Variants in FHIT observed in about 807,000 individuals in gnomAD.
The protein encoded by FHIT is fragile histidine triad diadenosine triphosphatase.
Under a neutral mutation model 17.9 loss-of-function variants are expected in FHIT, and 19 were observed. The ratio of observed to expected loss-of-function variants is 1.06; its 90% CI spans 0.74 to 1.56. FHIT has a LOEUF of 1.56. Among genes scored for constraint, FHIT ranks in the 40% most tolerant of loss-of-function variants. The probability of loss-of-function intolerance (pLI) is 0.00; values close to 1 mark genes in which losing one functional copy is unlikely to be tolerated. For synonymous variants in FHIT, 81 were observed against 69.7 expected (o/e 1.16, Z -0.81); for missense variants, 248 against 189.2 (o/e 1.31, Z -1.82).
intron 3 of FHIT, among the ~76,000 whole-genome samples, chr3:61,039,797 C>G (rs773522607): frequency 6.6e-6 from 1 of 152,014 alleles, no homozygotes; most frequent in Non-Finnish European, 1.5e-5. Flanking sequence ...ACATGTATAC[C>G]TATGTAACAA....
At chr3:60,089,972 A>G (rs950434146) in intron 5 of FHIT, among the ~76,000 whole-genome samples, 3 of 152,210 alleles carry the variant, frequency 2.0e-5, no homozygotes, top group Admixed American at 2.0e-4. Flanking sequence ...AACAATAACA[A>G]CAGCCATCAC....
intron 7 of FHIT, among the ~76,000 whole-genome samples, chr3:59,973,774 A>G (rs2107397724): frequency 6.6e-6 from 1 of 152,192 alleles, no homozygotes; most frequent in Non-Finnish European, 1.5e-5. Context: ...TGGGCCAAAG[A>G]CCAGGTTTCA....
chr3:61,079,977 A>C (rs573877078), intron 2 of FHIT, among the ~76,000 whole-genome samples: 1 of 152,306 alleles, frequency 6.6e-6, no homozygotes, highest in African/African-American at 2.4e-5. Flanking sequence ...ATGTCATTTA[A>C]AATAAATAAA....
chr3:60,323,719 C>T (rs1281106840), intron 5 of FHIT, among the ~76,000 whole-genome samples: 1 of 152,238 alleles, frequency 6.6e-6, no homozygotes, highest in South Asian at 2.1e-4. Context: ...TAAATGGAAA[C>T]ATTCTATCTG....
chr3:60,122,209 G>C (rs1254348659), intron 5 of FHIT, among the ~76,000 whole-genome samples: 3 of 152,068 alleles, frequency 2.0e-5, no homozygotes, highest in Non-Finnish European at 1.5e-5. Context: ...GAAGTGTTCA[G>C]CATTCTAATA....
intron 2 of FHIT, among the ~76,000 whole-genome samples, chr3:61,069,631 A>G (rs931583755): frequency 2.0e-5 from 3 of 152,244 alleles, no homozygotes; most frequent in Non-Finnish European, 4.4e-5. Flanking sequence ...GAGATAATCT[A>G]GAGTGGCAGG....
chr3:60,079,152 G>A (rs1459258708), intron 5 of FHIT, among the ~76,000 whole-genome samples: 3 of 152,066 alleles, frequency 2.0e-5, no homozygotes, highest in Non-Finnish European at 4.4e-5. Context: ...AGTAAGTATA[G>A]CTTGTTTTTG....
At chr3:61,102,271 T>C (rs2035857022) in intron 2 of FHIT, among the ~76,000 whole-genome samples, 1 of 152,246 alleles carries the variant, frequency 6.6e-6, no homozygotes, top group Admixed American at 6.5e-5. Context: ...TGAAGGGCTG[T>C]TGAATTTTGT....
intron 7 of FHIT, among the ~76,000 whole-genome samples, chr3:59,973,961 A>G (rs1045625475): frequency 2.0e-5 from 3 of 149,488 alleles, no homozygotes; most frequent in East Asian, 2.0e-4. Flanking sequence ...TTCAAGTACA[A>G]TGATTTGTAG....
At chr3:61,058,786 AAG>A (rs982519618) in intron 2 of FHIT, among the ~76,000 whole-genome samples, 1 of 152,228 alleles carries the variant, frequency 6.6e-6, no homozygotes, top group African/African-American at 2.4e-5. Flanking sequence ...GGTCTACAGA[AAG>A]AGCATAACCC....
intron 4 of FHIT, among the ~76,000 whole-genome samples, chr3:60,623,880 G>A (rs1349678576): frequency 1.3e-5 from 2 of 152,202 alleles, no homozygotes; most frequent in East Asian, 1.9e-4. Flanking sequence ...CAAGGTCAAT[G>A]TCTCCCTCCA....
chr3:60,124,003 TATATATAGAG>T (rs1559653644), intron 5 of FHIT, among the ~76,000 whole-genome samples: 12 of 24,580 alleles, frequency 4.9e-4, no homozygotes, highest in African/African-American at 8.7e-4. Context: ...TATATATATA[TATATATAGAG>T]AGAGAGAGAG....
chr3:61,039,139 G>A (rs1025465006), intron 3 of FHIT, among the ~76,000 whole-genome samples: 4 of 152,228 alleles, frequency 2.6e-5, no homozygotes, highest in South Asian at 2.1e-4. Flanking sequence ...ACAATTGGCC[G>A]CAATTTCCAA....
At chr3:60,196,154 T>C (rs1702631833) in intron 5 of FHIT, among the ~76,000 whole-genome samples, 2 of 152,300 alleles carry the variant, frequency 1.3e-5, no homozygotes, top group South Asian at 2.1e-4. Context: ...AAACAACACA[T>C]ATTTATCCTA....
chr3:60,319,445 T>A (rs115288501), intron 5 of FHIT, among the ~76,000 whole-genome samples: 2,353 of 150,692 alleles, frequency 0.016, 64 homozygotes, highest in African/African-American at 0.054. Flanking sequence ...GTGATGTTTT[T>A]AAGGGAAAAA....
intron 4 of FHIT, among the ~76,000 whole-genome samples, chr3:60,777,007 G>C (rs1402988461): frequency 1.3e-5 from 2 of 152,140 alleles, no homozygotes; most frequent in African/African-American, 4.8e-5. Context: ...AGCATAACGA[G>C]GTTTTCCTAA....
chr3:61,192,838 T>C (rs2038755018), intron 2 of FHIT, among the ~76,000 whole-genome samples: 3 of 152,172 alleles, frequency 2.0e-5, no homozygotes, highest in South Asian at 4.1e-4. Flanking sequence ...CTGACACTTA[T>C]CATGGGAGTC....
chr3:60,084,366 C>A (rs535575389), intron 5 of FHIT, among the ~76,000 whole-genome samples: 1 of 152,108 alleles, frequency 6.6e-6, no homozygotes, highest in Non-Finnish European at 1.5e-5. Context: ...CCAACCTAAG[C>A]TTTACAGAGG....
At position 61,048,172 on chromosome 3, in the gene FHIT, A is replaced by G. The variant is rs958704759; in HGVS notation, c.-163-6073T>C. Among the ~76,000 whole-genome samples, 12 of 152,172 alleles carry G rather than the reference A, an allele frequency of 7.9e-5. 1 individual carries two copies. The East Asian group carries it at 1.3e-3, about 17-fold the overall frequency. Reference sequence around the variant, plus strand: ...CTTCTGCACAGCAAAAGAAACCACCATCAGAGTGAACAGGCAACCTACAGA... The same window carrying G: ...CTTCTGCACAGCAAAAGAAACCACCGTCAGAGTGAACAGGCAACCTACAGA... On this transcript the variant is annotated intron_variant, in intron 2 of 9. Coordinates refer to ENST00000492590, the MANE Select transcript of FHIT (RefSeq NM_002012.4).
Sources: allele counts gnomAD v4.1 joint callset (sites outside exome capture counted in the v4.1 genomes callset), GRCh38; gene constraint gnomAD v4.1.1; transcripts MANE v1.5; gene names NCBI Gene and HGNC (gene_info 2026-07-23, HGNC 2026-07-21).